The following PTPRD variants were observed in gnomAD, a reference collection of about 807,000 sequenced individuals.
PTPRD encodes protein tyrosine phosphatase receptor type D.
PTPRD carries 34 observed loss-of-function variants against 214.5 expected under a neutral mutation model. That is an observed-to-expected ratio of 0.16 (90% CI 0.12 to 0.21). PTPRD has a LOEUF of 0.21. Ranked by LOEUF, PTPRD falls within the 10% of genes least tolerant of loss-of-function variation. PTPRD has a pLI of 1.00. For synonymous variants in PTPRD, 1,128 were observed against 845.7 expected (o/e 1.33, Z -5.79); for missense variants, 2,545 against 2,398.7 (o/e 1.06, Z -1.27).
intron 27 of PTPRD, among the ~76,000 whole-genome samples, chr9:8,490,088 C>T (rs2136172562): frequency 6.6e-6 from 1 of 152,262 alleles, no homozygotes; most frequent in South Asian, 2.1e-4. Flanking sequence ...TGGTTCTGCT[C>T]ACTCCAGCAC....
At chr9:8,552,271 T>G (rs1271361009) in intron 14 of PTPRD, among the ~76,000 whole-genome samples, 1 of 152,188 alleles carries the variant, frequency 6.6e-6, no homozygotes, top group African/African-American at 2.4e-5. Flanking sequence ...ACAGGGTTCT[T>G]TCTCTCTGGG....
chr9:9,844,583 C>T (rs1221490584), intron 5 of PTPRD, among the ~76,000 whole-genome samples: 1 of 151,844 alleles, frequency 6.6e-6, no homozygotes, highest in Non-Finnish European at 1.5e-5. Context: ...ATTGATATGA[C>T]ATATTAATTA....
At chr9:9,832,587 T>C (rs1213720121) in intron 5 of PTPRD, among the ~76,000 whole-genome samples, 1 of 151,946 alleles carries the variant, frequency 6.6e-6, no homozygotes, top group Non-Finnish European at 1.5e-5. Context: ...ACTTCTAGGG[T>C]AATTTAGGTT....
At chr9:8,805,824 T>C (rs1394308075) in intron 11 of PTPRD, among the ~76,000 whole-genome samples, 3 of 150,624 alleles carry the variant, frequency 2.0e-5, no homozygotes, top group Non-Finnish European at 4.4e-5. Flanking sequence ...TGAAATCCCG[T>C]CTCTAGTAGA....
Position 8,715,248 on chromosome 9 carries a change from G to A in PTPRD, c.64+18532C>T, listed in dbSNP as rs372562087. Among the ~76,000 whole-genome samples the A allele has an allele frequency of 3.0e-4, 45 of 152,104 alleles. No individual in the cohort carries two copies. The East Asian group carries it at 8.5e-3, about 29-fold the overall frequency. Reference sequence around the variant, plus strand: ...ATCGACCAATTATGAGCCTCTAATCGCTGCCAGGACCTCAAACACATTATC... The same window carrying A: ...ATCGACCAATTATGAGCCTCTAATCACTGCCAGGACCTCAAACACATTATC... On this transcript the variant is annotated intron_variant, in intron 12 of 45. Transcript: ENST00000381196.
intron 4 of PTPRD, among the ~76,000 whole-genome samples, chr9:9,949,837 C>T (rs1467768558): frequency 6.6e-6 from 1 of 152,068 alleles, no homozygotes; most frequent in Non-Finnish European, 1.5e-5. Context: ...AAGTAGAGAT[C>T]AAAATAAAGG....
intron 4 of PTPRD, among the ~76,000 whole-genome samples, chr9:9,975,500 T>A (rs1430759405): frequency 1.3e-5 from 2 of 152,238 alleles, no homozygotes; most frequent in Non-Finnish European, 2.9e-5. Flanking sequence ...GACCTAGGAC[T>A]AGCAGCACTA....
rs541427397 is a variant in PTPRD, at chr9:8,813,642, G to C, written c.-103-79696C>G. On this transcript the variant is annotated intron_variant, in intron 11 of 45. Transcript: ENST00000381196. ...CCCGCCTCGGCCTCCTGCAGTGCTG[G>C]GATTACAGGTACGAGCCACCGCGCC... Among the ~76,000 whole-genome samples, 5 of 152,220 alleles carry C rather than the reference G, an allele frequency of 3.3e-5. No homozygotes were observed. The East Asian group carries it at 9.7e-4, about 30-fold the overall frequency.
chr9:8,991,191 C>T lies in PTPRD; in HGVS notation c.-104+27506G>A, dbSNP rs143400501. Among the ~76,000 whole-genome samples the T allele has an allele frequency of 3.5e-4, 53 of 150,072 alleles. 1 individual carries two copies. In the East Asian group the frequency reaches 6.9e-3, roughly 20 times the overall value. ...CTGAGATGGCGCCATTGCACTCCAG[C>T]CTGGGTGACAGAGTGACACTCTGTC... On this transcript the variant is annotated intron_variant, in intron 11 of 45. Coordinates refer to ENST00000381196, the MANE Select transcript of PTPRD (RefSeq NM_002839.4).
chr9:9,873,468 T>C (rs1049945247), intron 5 of PTPRD, among the ~76,000 whole-genome samples: 1 of 149,024 alleles, frequency 6.7e-6, no homozygotes, highest in Non-Finnish European at 1.5e-5. Flanking sequence ...TCTTACTTAC[T>C]TTTTTTTTTC....
At chr9:10,184,331 A>G (rs1045223873) in intron 3 of PTPRD, among the ~76,000 whole-genome samples, 10 of 152,184 alleles carry the variant, frequency 6.6e-5, no homozygotes, top group Non-Finnish European at 1.3e-4. Context: ...AGGCTGAGGC[A>G]TGAGAATCAC....
At chr9:9,320,001 A>G (rs912426905) in intron 9 of PTPRD, among the ~76,000 whole-genome samples, 1 of 152,132 alleles carries the variant, frequency 6.6e-6, no homozygotes, top group African/African-American at 2.4e-5. Flanking sequence ...GAAACTTCCT[A>G]AAGATATATT....
rs572227642 is a variant in PTPRD at position 8,320,654 on chromosome 9, T to TA, written c.5535-689dup. ...AGATTCTCACAGGGGTCTCTAATCT[T>TA]AAAAAAAAATGGTTAAGAGCCATTG... On this transcript the variant is annotated intron_variant, in intron 44 of 45. Coordinates refer to ENST00000381196, the MANE Select transcript of PTPRD (RefSeq NM_002839.4). 7.1e-3 allele frequency among the ~76,000 whole-genome samples: 904 copies of TA among 127,216 alleles called. 9 individuals carry two copies. The highest frequency in any genetic ancestry group is 0.024 in the African/African-American group (776 of 32,148). The allele number at this position is 127,216 out of a possible 152,430, so 83.5% of individuals were successfully genotyped here.
chr9:9,815,506 A>T (rs2048472321), intron 5 of PTPRD, among the ~76,000 whole-genome samples: 1 of 152,222 alleles, frequency 6.6e-6, no homozygotes, highest in East Asian at 1.9e-4. Flanking sequence ...AAGCAAAAAT[A>T]AACCAGTGGT....
intron 4 of PTPRD, among the ~76,000 whole-genome samples, chr9:10,007,387 G>A (rs1299514743): frequency 2.0e-5 from 3 of 151,780 alleles, no homozygotes; most frequent in South Asian, 2.1e-4. Flanking sequence ...GCTTTAATTC[G>A]ACCAAAAGCA....
chr9:9,141,236 C>G lies in PTPRD; in HGVS notation c.-143+42068G>C, dbSNP rs148169591. On this transcript the variant is annotated intron_variant, in intron 10 of 45. Coordinates refer to ENST00000381196, the MANE Select transcript of PTPRD (RefSeq NM_002839.4). ...TCCCTCCCCCTTCTCTCTCCTCCCC[C>G]CGTCTTCCTCTCCCCTCAGGGGAAG... is the stretch of plus-strand genomic sequence containing the variant. Among the ~76,000 whole-genome samples, 17 of 147,740 alleles carry G rather than the reference C, an allele frequency of 1.2e-4. 1 individual carries two copies. Among genetic ancestry groups the G allele is most frequent in the Middle Eastern group, 6.9e-3 (2 of 288 alleles).
intron 10 of PTPRD, among the ~76,000 whole-genome samples, chr9:9,126,925 A>G (rs2099834755): frequency 6.6e-6 from 1 of 152,170 alleles, no homozygotes; most frequent in Admixed American, 6.5e-5. Context: ...CCATCCTAGC[A>G]TCTAAGAGCA....
intron 4 of PTPRD, among the ~76,000 whole-genome samples, chr9:10,017,505 C>T (rs112683558): frequency 2.6e-5 from 4 of 152,176 alleles, no homozygotes; most frequent in African/African-American, 9.6e-5. Flanking sequence ...TTAGAATCCT[C>T]CACATCTTAA....
intron 10 of PTPRD, among the ~76,000 whole-genome samples, chr9:9,108,938 A>AT (rs2099802406): frequency 6.6e-6 from 1 of 152,128 alleles, no homozygotes; most frequent in African/African-American, 2.4e-5. Flanking sequence ...CCACTTAGAG[A>AT]TACGACTGGC....
Sources: gnomAD v4.1 joint callset for allele counts (sites outside exome capture counted in the v4.1 genomes callset) on GRCh38, gnomAD v4.1.1 for gene constraint, MANE v1.5 for transcripts, NCBI Gene and HGNC (gene_info 2026-07-23, HGNC 2026-07-21) for gene names.